Variants in COL19A1 observed in about 807,000 individuals in gnomAD.
COL19A1 encodes the protein collagen type XIX alpha 1 chain, also known as collagen alpha-1(XIX) chain.
Under a neutral mutation model 190.2 loss-of-function variants are expected in COL19A1, and 159 were observed. The ratio of observed to expected loss-of-function variants is 0.84; its 90% CI spans 0.73 to 0.95. COL19A1 has a LOEUF of 0.95. COL19A1 is among the 40% of genes least tolerant of loss of function. The probability of loss-of-function intolerance (pLI) is 0.00; values close to 1 mark genes in which losing one functional copy is unlikely to be tolerated. For missense variants in COL19A1, 1,418 were observed against 1,431.9 expected (o/e 0.99, Z 0.16); for synonymous variants, 509 against 458.9 (o/e 1.11, Z -1.39).
intron 12 of COL19A1, among the ~76,000 whole-genome samples, chr6:70,030,725 A>C (rs1779014395): frequency 6.6e-6 from 1 of 152,188 alleles, no homozygotes; most frequent in Non-Finnish European, 1.5e-5. Context: ...CTGCTCAGTG[A>C]ATGGGATAAC....
intron 1 of COL19A1, among the ~76,000 whole-genome samples, chr6:69,868,704 A>C (rs1359470461): frequency 6.6e-6 from 1 of 152,238 alleles, no homozygotes; most frequent in Admixed American, 6.5e-5. Flanking sequence ...CATCATCTCT[A>C]TATCTGAATC....
chr6:70,137,719 T>A lies in COL19A1; in HGVS notation c.1418T>A (p.Val473Asp). ...GGACTACCAGGATTTCCAGGGTCTG[T>A]TGGCCCTAAAGGACAAAAAGGAGAA... is the stretch of plus-strand genomic sequence containing the variant. ...ETGLPGFPGS[V>D]GPKGQKGEPG... Residue 473 changes from valine (V) to aspartate (D), a missense_variant, in exon 19 of 51, where the codon GTT (valine) becomes GAT (aspartate). By Grantham distance (152) the Val-to-Asp change is radical (BLOSUM62 -3). Coordinates refer to ENST00000620364, the MANE Select transcript of COL19A1 (RefSeq NM_001858.6). The A allele has an allele frequency of 1.2e-6, 2 of 1,613,398 alleles. No individual in the cohort carries two copies. Among genetic ancestry groups the A allele is most frequent in the Non-Finnish European group, 1.7e-6 (2 of 1,179,472 alleles).
At chr6:69,965,627 C>T (rs1003558407) in intron 11 of COL19A1, among the ~76,000 whole-genome samples, 1 of 152,200 alleles carries the variant, frequency 6.6e-6, no homozygotes, top group Non-Finnish European at 1.5e-5. Context: ...CCTGAACAAA[C>T]ACAATTCAGC....
intron 9 of COL19A1, among the ~76,000 whole-genome samples, chr6:69,952,020 C>T (rs1774155312): frequency 6.6e-6 from 1 of 151,890 alleles, no homozygotes; most frequent in Non-Finnish European, 1.5e-5. Context: ...AGTGAGTGAA[C>T]TGCAGTTTGC....
In COL19A1 at chr6:69,927,993, G is replaced by C; in HGVS notation, c.351G>C (p.Trp117Cys). Reference sequence around the variant, plus strand: ...GAAGAAACGCCAAAAAGGAACGGTGGTTTCTGTGGCAGGTTTTAAACCAGC... The same window carrying C: ...GAAGAAACGCCAAAAAGGAACGGTGCTTTCTGTGGCAGGTTTTAAACCAGC... ...RVRRNAKKER[W>C]FLWQVLNQQN... is the part of the protein sequence containing the mutation. Residue 117 changes from tryptophan (W) to cysteine (C), a missense_variant, in exon 5 of 51, where the codon TGG (tryptophan) becomes TGC (cysteine). Coordinates refer to ENST00000620364, the MANE Select transcript of COL19A1 (RefSeq NM_001858.6). 6.2e-7 allele frequency: 1 copy of C among 1,613,220 alleles called. No homozygotes were observed. The highest frequency in any genetic ancestry group is 2.2e-5 in the East Asian group (1 of 44,844).
intron 11 of COL19A1, among the ~76,000 whole-genome samples, chr6:69,979,813 G>T (rs1361601393): frequency 6.6e-6 from 1 of 151,448 alleles, no homozygotes; most frequent in Non-Finnish European, 1.5e-5. Flanking sequence ...AATGTAATGG[G>T]AAATATTCCA....
At chr6:70,104,751 G>A (rs1042703511) in intron 16 of COL19A1, among the ~76,000 whole-genome samples, 10 of 152,166 alleles carry the variant, frequency 6.6e-5, no homozygotes, top group African/African-American at 1.7e-4. Context: ...TTAGACCTTC[G>A]TGTAGTTTTC....
intron 15 of COL19A1, among the ~76,000 whole-genome samples, chr6:70,090,791 CAG>C (rs1782874792): frequency 6.6e-6 from 1 of 152,124 alleles, no homozygotes; most frequent in South Asian, 2.1e-4. Context: ...TAATGAAACT[CAG>C]AGCACTCACC....
rs777952967 is a variant in COL19A1 at position 69,932,812 on chromosome 6, C to A, written c.696C>A (p.Cys232Ter). Residue 232 changes from cysteine (C) to a stop codon, truncating the protein, a stop_gained, in exon 7 of 51, where the codon TGC becomes TGA. Coordinates refer to ENST00000620364, the MANE Select transcript of COL19A1 (RefSeq NM_001858.6). LOFTEE classifies it high-confidence loss of function. ...AACTTCACCAACTTAAAATCTACTG[C>A]AGTGCAAACCTCATAGCTCAAGAAA... ...DIELHQLKIY[C>*]SANLIAQETC... 3.7e-6 allele frequency: 6 copies of A among 1,606,420 alleles called. No homozygotes were observed. The highest frequency in any genetic ancestry group is 5.1e-6 in the Non-Finnish European group (6 of 1,175,400).
At chr6:70,035,049 C>A (rs897933201) in intron 13 of COL19A1, among the ~76,000 whole-genome samples, 1 of 152,172 alleles carries the variant, frequency 6.6e-6, no homozygotes, top group Non-Finnish European at 1.5e-5. Flanking sequence ...TAAGTTTTAA[C>A]TTCTGAGGTG....
chr6:70,210,737 G>A lies in COL19A1; in HGVS notation c.*3463G>A, dbSNP rs762085638. On this transcript the variant is annotated 3_prime_UTR_variant, in exon 51 of 51. Coordinates refer to ENST00000620364, the MANE Select transcript of COL19A1 (RefSeq NM_001858.6). Reference sequence around the variant, plus strand: ...CAAACTAACAGAAATACAAGGCTACGAACAGTTTAGTGGACAACTAAATCA... The same window carrying A: ...CAAACTAACAGAAATACAAGGCTACAAACAGTTTAGTGGACAACTAAATCA... 1.3e-5 allele frequency among the ~76,000 whole-genome samples: 2 copies of A among 152,106 alleles called. No individual in the cohort carries two copies. The highest frequency in any genetic ancestry group is 2.4e-5 in the African/African-American group (1 of 41,440).
In COL19A1 at chr6:70,188,097, A is replaced by T; in HGVS notation, c.2879A>T (p.Asp960Val). 1.2e-6 allele frequency: 2 copies of T among 1,613,326 alleles called. No individual in the cohort carries two copies. The highest frequency in any genetic ancestry group is 1.7e-6 in the Non-Finnish European group (2 of 1,179,680). The change falls in exon 47 of 51, where the codon GAC (aspartate) becomes GTC (valine). Residue 960 changes from aspartate (D) to valine (V), a missense_variant. Asp to Val is a radical substitution (Grantham distance 152). Coordinates refer to ENST00000620364, the MANE Select transcript of COL19A1 (RefSeq NM_001858.6). ...GERGDQGIPG[D>V]RGSQGERGKP... ...CAGGGTGATCAGGGGATTCCAGGAG[A>T]CAGAGGCTCACAAGGTGAACGGGGA...
Position 69,921,395 on chromosome 6 carries a change from C to CATATATCATATATATCATATATCAT in COL19A1, c.267-6491_267-6467dup, listed in dbSNP as rs1361002104. ...TATATATCATATATATCATATATATCATATATCATATATATCATATATCAT... is the reference window on the plus strand; with the variant it reads ...TATATATCATATATATCATATATATCATATATCATATATATCATATATCATATATATCATATATATCATATATCAT... On this transcript the variant is annotated intron_variant, in intron 4 of 50. Transcript: ENST00000620364. Among the ~76,000 whole-genome samples, 37 of 80,338 alleles carry CATATATCATATATATCATATATCAT rather than the reference C, an allele frequency of 4.6e-4. 1 individual carries two copies. Among genetic ancestry groups the CATATATCATATATATCATATATCAT allele is most frequent in the Middle Eastern group, 0.031 (2 of 64 alleles). The allele number at this position is 80,338 out of a possible 152,430, so 52.7% of individuals were successfully genotyped here. A position where few individuals can be genotyped will look rare whatever the true frequency, so the allele number is the denominator to read the frequency against.
Position 70,206,957 on chromosome 6 carries a change from C to T in COL19A1, c.3280C>T (p.Pro1094Ser). 6.2e-7 allele frequency: 1 copy of T among 1,613,782 alleles called. No individual in the cohort carries two copies. Among genetic ancestry groups the T allele is most frequent in the Non-Finnish European group, 8.5e-7 (1 of 1,179,886 alleles). ...GEPGIGLPGS[P>S]GLPGTSALGL... is the part of the protein sequence containing the mutation. ...ACCTGGAATTGGGCTGCCAGGGAGTCCAGGTCTTCCTGGGACTTCAGGTAA... is the reference window on the plus strand; with the variant it reads ...ACCTGGAATTGGGCTGCCAGGGAGTTCAGGTCTTCCTGGGACTTCAGGTAA... The change falls in exon 50 of 51, where the codon CCA becomes TCA. Residue 1094 changes from proline (P) to serine (S), a missense_variant. By Grantham distance (74) the Pro-to-Ser change is moderately conservative (BLOSUM62 -1). Coordinates refer to ENST00000620364, the MANE Select transcript of COL19A1 (RefSeq NM_001858.6).
rs951670799 is a variant in COL19A1, at chr6:70,037,454, C to A, written c.1170+1515C>A. 7.2e-5 allele frequency among the ~76,000 whole-genome samples: 11 copies of A among 151,996 alleles called. No individual in the cohort carries two copies. In the East Asian group the frequency reaches 1.7e-3, roughly 24 times the overall value. On this transcript the variant is annotated intron_variant, in intron 14 of 50. Coordinates refer to ENST00000620364, the MANE Select transcript of COL19A1 (RefSeq NM_001858.6). ...TACAGGCTTGAGCCACTGTGCCCAG[C>A]CTTACACTTTGTAGAATTAAAAAAA... is the stretch of plus-strand genomic sequence containing the variant.
At chr6:70,171,823 A>G (rs1765518704) in intron 40 of COL19A1, 141 bp from the exon 41 acceptor site, 1 of 681,602 alleles carries the variant, frequency 1.5e-6, no homozygotes, top group Admixed American at 2.5e-5. Flanking sequence ...TTACTTAAAA[A>G]TAGGGCATAT....
chr6:69,982,184 C>T (rs2150065950), intron 11 of COL19A1, among the ~76,000 whole-genome samples: 1 of 152,158 alleles, frequency 6.6e-6, no homozygotes, highest in Non-Finnish European at 1.5e-5. Context: ...TTTGTCTACA[C>T]TTTTTTATTT....
chr6:70,205,603 A>G (rs1767803756), intron 49 of COL19A1, among the ~76,000 whole-genome samples: 1 of 152,214 alleles, frequency 6.6e-6, no homozygotes, highest in Non-Finnish European at 1.5e-5. Context: ...AGTATGAAAA[A>G]GTTGGAAATA....
intron 14 of COL19A1, among the ~76,000 whole-genome samples, chr6:70,044,306 C>A (rs1779791461): frequency 6.6e-6 from 1 of 152,130 alleles, no homozygotes; most frequent in Non-Finnish European, 1.5e-5. Flanking sequence ...GTTTTGCTTT[C>A]TTATCATTTG....
Sources: gnomAD v4.1 joint callset for allele counts (sites outside exome capture counted in the v4.1 genomes callset) on GRCh38, gnomAD v4.1.1 for gene constraint, MANE v1.5 for transcripts, NCBI Gene and HGNC (gene_info 2026-07-23, HGNC 2026-07-21) for gene names.